Variants in ITK observed in about 807,000 individuals in gnomAD.
ITK encodes tyrosine-protein kinase ITK/TSK.
In ITK, 45 loss-of-function variants were observed where a neutral mutation model predicts 87.6. That is an observed-to-expected ratio of 0.51 (90% confidence interval 0.40 to 0.66). ITK has a LOEUF of 0.66. Ranked by LOEUF, ITK falls within the 30% of genes least tolerant of loss-of-function variation. The pLI is 0.00. For missense variants in ITK, 605 were observed against 766.3 expected, an observed-to-expected ratio of 0.79 and a Z score of 2.48; for synonymous variants, 303 against 273.6, an observed-to-expected ratio of 1.11 and a Z score of -1.06.
At chr5:157,211,195 C>T in intron 2 of ITK, 92 bp from the exon 3 acceptor site, 1 of 1,025,426 alleles carries the variant, frequency 9.8e-7, no homozygotes, top group Non-Finnish European at 1.5e-6. Flanking sequence ...ACGATAAACA[C>T]CCGAGACCCC....
chr5:157,227,083 G>C (rs1231629811), intron 6 of ITK, among the ~76,000 whole-genome samples: 3 of 152,102 alleles, frequency 2.0e-5, no homozygotes, highest in Non-Finnish European at 2.9e-5. Flanking sequence ...GCCTCCCAAA[G>C]TACTAGGATT....
At chr5:157,186,811 G>T (rs1753653362) in intron 1 of ITK, among the ~76,000 whole-genome samples, 1 of 152,148 alleles carries the variant, frequency 6.6e-6, no homozygotes, top group Non-Finnish European at 1.5e-5. Flanking sequence ...ACCTGGGACT[G>T]CTACCACCTC....
At chr5:157,201,837 T>C (rs1320566800) in intron 1 of ITK, among the ~76,000 whole-genome samples, 1 of 152,018 alleles carries the variant, frequency 6.6e-6, no homozygotes, top group Non-Finnish European at 1.5e-5. Context: ...ACATACAAAT[T>C]AATTTTTTTA....
chr5:157,206,340 G>A (rs927306019), intron 1 of ITK, among the ~76,000 whole-genome samples: 9 of 152,142 alleles, frequency 5.9e-5, no homozygotes, highest in African/African-American at 2.2e-4. Context: ...ATATTGGCCT[G>A]AAGTTTTCTT....
chr5:157,251,773 C>T (rs1196219097), intron 16 of ITK, among the ~76,000 whole-genome samples: 4 of 152,180 alleles, frequency 2.6e-5, no homozygotes, highest in Non-Finnish European at 4.4e-5. Flanking sequence ...TACCCTTTCT[C>T]CTCTGTTCCT....
chr5:157,243,878 G>T, intron 12 of ITK, 84 bp downstream of exon 12: 1 of 1,285,586 alleles, frequency 7.8e-7, no homozygotes, highest in East Asian at 2.3e-5. Context: ...AACGCCAGGG[G>T]GTACTATCTC....
chr5:157,249,570 A>G (rs1490525582), intron 16 of ITK, among the ~76,000 whole-genome samples: 1 of 152,232 alleles, frequency 6.6e-6, no homozygotes, highest in Non-Finnish European at 1.5e-5. Context: ...AGAAAATCAT[A>G]CATTTCAGCC....
At chr5:157,241,476 G>A in intron 10 of ITK, 170 bp from the exon 11 acceptor site, 1 of 641,312 alleles carries the variant, frequency 1.6e-6, no homozygotes, top group Non-Finnish European at 2.8e-6. Flanking sequence ...CTGTGCTTAT[G>A]ATGTTTTCAA....
chr5:157,228,509 A>G, intron 7 of ITK, 148 bp downstream of exon 7: 1 of 642,822 alleles, frequency 1.6e-6, no homozygotes, highest in Non-Finnish European at 2.8e-6. Flanking sequence ...TGATACCTAA[A>G]TAAGGCTTTC....
At chr5:157,210,291 T>C (rs1314377875) in intron 2 of ITK, among the ~76,000 whole-genome samples, 1 of 152,100 alleles carries the variant, frequency 6.6e-6, no homozygotes, top group Non-Finnish European at 1.5e-5. Context: ...CATCCCAGGG[T>C]ACCATTCCTG....
chr5:157,222,035 C>G (rs1337220169), intron 5 of ITK, among the ~76,000 whole-genome samples: 1 of 152,050 alleles, frequency 6.6e-6, no homozygotes, highest in Non-Finnish European at 1.5e-5. Context: ...CATACTACAT[C>G]AAAATGACGA....
intron 1 of ITK, among the ~76,000 whole-genome samples, chr5:157,205,975 C>CTTTTTT (rs36004184): frequency 1.8e-5 from 2 of 111,464 alleles, no homozygotes; most frequent in Non-Finnish European, 1.8e-5. Flanking sequence ...AAGGATTAGC[C>CTTTTTT]TTTTTTTTTT....
Position 157,254,663 on chromosome 5 carries a change from ATC to A in ITK, c.*1989_*1990del, listed in dbSNP as rs1248571950. The stretch of plus-strand genomic sequence containing the variant: ...GATTTTACTCAGCTTATCCAAAATT[ATC>A]TCTGTTTACTTTTTAGAATTTTGTA... On this transcript the variant is annotated 3_prime_UTR_variant, in exon 17 of 17. Transcript: ENST00000422843. 4.6e-5 allele frequency: 10 copies of A among 217,536 alleles called. No individual in the cohort carries two copies. Among genetic ancestry groups the A allele is most frequent in the African/African-American group, 1.8e-4 (8 of 44,478 alleles). The allele number at this position is 217,536 out of a possible 1,614,324, so 13.5% of individuals were successfully genotyped here. A position where few individuals can be genotyped will look rare whatever the true frequency, so the allele number is the denominator to read the frequency against.
chr5:157,225,068 C>T (rs1754504465), intron 6 of ITK, among the ~76,000 whole-genome samples: 1 of 152,192 alleles, frequency 6.6e-6, no homozygotes, highest in African/African-American at 2.4e-5. Flanking sequence ...TCTCACAGTT[C>T]ACTGCAGCCT....
At chr5:157,185,902 G>A (rs1476398813) in intron 1 of ITK, among the ~76,000 whole-genome samples, 1 of 152,086 alleles carries the variant, frequency 6.6e-6, no homozygotes, top group Non-Finnish European at 1.5e-5. Flanking sequence ...TTAATAAGAT[G>A]GAGGTCACCT....
rs1488285502 is a variant in ITK at position 157,254,615 on chromosome 5, T to A, written c.*1937T>A. The A allele has an allele frequency of 4.6e-6, 1 of 218,256 alleles. No individual in the cohort carries two copies. Among genetic ancestry groups the A allele is most frequent in the African/African-American group, 2.2e-5 (1 of 44,468 alleles). The allele number at this position is 218,256 out of a possible 1,614,324, so 13.5% of individuals were successfully genotyped here. On this transcript the variant is annotated 3_prime_UTR_variant, in exon 17 of 17. Transcript: ENST00000422843. ...TATTGTGAAGTGGAGAGCCTCAAGA[T>A]AAAACTCTGTCATTCAGAAGATGAT...
intron 1 of ITK, among the ~76,000 whole-genome samples, chr5:157,208,038 A>T (rs1357057711): frequency 2.0e-5 from 3 of 152,162 alleles, no homozygotes; most frequent in Non-Finnish European, 4.4e-5. Flanking sequence ...GCTGAATTCC[A>T]TAGCTGAATT....
At chr5:157,186,766 G>T (rs1028030995) in intron 1 of ITK, among the ~76,000 whole-genome samples, 1 of 151,686 alleles carries the variant, frequency 6.6e-6, no homozygotes, top group Non-Finnish European at 1.5e-5. Context: ...ATTCCCACAG[G>T]ATATCTCTCA....
At chr5:157,227,109 C>G (rs1338249962) in intron 6 of ITK, among the ~76,000 whole-genome samples, 1 of 152,162 alleles carries the variant, frequency 6.6e-6, no homozygotes, top group Non-Finnish European at 1.5e-5. Flanking sequence ...TGTGAGCCAC[C>G]ACACCCAGCC....
Sources: gnomAD v4.1 joint callset for allele counts (sites outside exome capture counted in the v4.1 genomes callset) on GRCh38, gnomAD v4.1.1 for gene constraint, MANE v1.5 for transcripts, NCBI Gene and HGNC (gene_info 2026-07-23, HGNC 2026-07-21) for gene names.